The following SEL1L variants were observed in gnomAD, a reference collection of about 807,000 sequenced individuals.
SEL1L encodes SEL1L adaptor subunit of SYVN1 ubiquitin ligase.
SEL1L carries 52 observed loss-of-function variants against 109.8 expected under a neutral mutation model. The ratio of observed to expected loss-of-function variants is 0.47; its 90% CI spans 0.38 to 0.60. The LOEUF is 0.60. SEL1L is among the 20% of genes least tolerant of loss of function. The pLI is 0.00. For synonymous variants in SEL1L, 373 were observed against 339.6 expected (o/e 1.10, Z -1.08); for missense variants, 749 against 962.2 (o/e 0.78, Z 2.93).
chr14:81,529,896 T>G (rs974543086), intron 1 of SEL1L, among the ~76,000 whole-genome samples: 1 of 152,100 alleles, frequency 6.6e-6, no homozygotes, highest in Non-Finnish European at 1.5e-5. Flanking sequence ...TATGCATAAA[T>G]AAAAAGCAAA....
chr14:81,489,294 A>G lies in SEL1L; in HGVS notation c.1353T>C (p.Ser451=), dbSNP rs1410495200. ...AADMGNPVGQ[S]GLGMAYLYGR... is the part of the protein sequence containing the mutation. ...CATAGAGGTAGGCCATTCCAAGCCCACTCTGTCCAACTGGGTTGCCCTGCA... is the reference window on the plus strand; with the variant it reads ...CATAGAGGTAGGCCATTCCAAGCCCGCTCTGTCCAACTGGGTTGCCCTGCA... The change falls in exon 14 of 21, where the codon AGT becomes AGC. Residue 451 remains serine (S), a synonymous_variant. Transcript: ENST00000336735. 6 of 1,614,020 alleles carry G rather than the reference A, an allele frequency of 3.7e-6. No homozygotes were observed. In the Admixed American group the frequency reaches 1.0e-4, roughly 27 times the overall value.
At chr14:81,516,790 C>A (rs11846663) in intron 3 of SEL1L, among the ~76,000 whole-genome samples, 8,957 of 152,224 alleles carry the variant, frequency 0.059, 891 homozygotes, top group African/African-American at 0.21. Flanking sequence ...TGCGTTGTTA[C>A]AATTTGCCGC....
Position 81,476,928 on chromosome 14 carries a change from T to C in SEL1L, c.*44A>G, listed in dbSNP as rs1280380417. On this transcript the variant is annotated 3_prime_UTR_variant, in exon 21 of 21. Transcript: ENST00000336735. ...ATCAAATGCAAGTGTTCCCAGCAGA[T>C]AACTTCCTTCGCTGTCACTGATCAA... 5 of 1,596,884 alleles carry C rather than the reference T, an allele frequency of 3.1e-6. No individual in the cohort carries two copies. The African/African-American group carries it at 6.7e-5, about 21-fold the overall frequency.
rs1903189198 is a variant in SEL1L, at chr14:81,477,193, T to A, written c.2176-12A>T. 1 of 1,604,146 alleles carries A rather than the reference T, an allele frequency of 6.2e-7. No homozygotes were observed. The highest frequency in any genetic ancestry group is 1.7e-4 in the Middle Eastern group (1 of 6,040). ...AACATATCTCGAATCTTAATGAAAA[T>A]AATATAGAAACCATTATTATCACTA... On this transcript the variant is annotated splice_polypyrimidine_tract_variant and intron_variant, in intron 20 of 20. Coordinates refer to ENST00000336735, the MANE Select transcript of SEL1L (RefSeq NM_005065.6).
intron 3 of SEL1L, among the ~76,000 whole-genome samples, chr14:81,510,472 ATCTCTCTCTCTCTCTCTCTC>A (rs374089460): frequency 2.5e-5 from 3 of 118,880 alleles, no homozygotes; most frequent in African/African-American, 9.5e-5. Flanking sequence ...TAGAATGCTG[ATCTCTCTCTCTCTCTCTCTC>A]TCTCTCTCTC....
chr14:81,490,581 T>C (rs1316340033), intron 12 of SEL1L, 116 bp from the exon 13 acceptor site: 8 of 783,018 alleles, frequency 1.0e-5, no homozygotes, highest in African/African-American at 1.7e-5. Context: ...CCAAAAAATT[T>C]AGAATTCCCC....
rs1241448551 is a variant in SEL1L at position 81,474,071 on chromosome 14, G to C, written c.*2901C>G. 1 of 151,766 alleles carries C rather than the reference G, an allele frequency of 6.6e-6. No individual in the cohort carries two copies. The highest frequency in any genetic ancestry group is 2.4e-5 in the African/African-American group (1 of 41,384). 9.4% of individuals were successfully genotyped at this position (151,766 alleles called of 1,614,324 possible). On this transcript the variant is annotated 3_prime_UTR_variant, in exon 21 of 21. Coordinates refer to ENST00000336735, the MANE Select transcript of SEL1L (RefSeq NM_005065.6). ...AAAAATTAACCTAATATGCAAAAAA[G>C]TAACAAATCCTTAGTATCAAGATTA... is the stretch of plus-strand genomic sequence containing the variant.
rs376763779 is a variant in SEL1L at position 81,504,248 on chromosome 14, A to C, written c.567T>G (p.Thr189=). The change falls in exon 5 of 21, where the codon ACT becomes ACG. Residue 189 remains threonine, a synonymous_variant. Transcript: ENST00000336735. The stretch of plus-strand genomic sequence containing the variant: ...TGCTTCCATTAAGGATTTTCATTCC[A>C]GTTTGATACATCATTTCTGCTTCCT... ...QMQEAEMMYQ[T]GMKILNGSNK... 4.6e-5 allele frequency: 73 copies of C among 1,601,172 alleles called. 1 individual carries two copies. In the East Asian group the frequency reaches 4.8e-4, roughly 10 times the overall value.
intron 19 of SEL1L, 129 bp downstream of exon 19, chr14:81,484,096 A>T: frequency 2.2e-6 from 2 of 919,290 alleles, no homozygotes; most frequent in Non-Finnish European, 3.4e-6. Context: ...GAAATATTAC[A>T]AATCAGTCCC....
intron 18 of SEL1L, among the ~76,000 whole-genome samples, chr14:81,485,148 T>A (rs1416530939): frequency 6.6e-6 from 1 of 152,224 alleles, no homozygotes; most frequent in Non-Finnish European, 1.5e-5. Flanking sequence ...GAGTGAATCA[T>A]AGCTTGATGG....
chr14:81,497,750 G>T, intron 10 of SEL1L, 142 bp downstream of exon 10: 1 of 705,252 alleles, frequency 1.4e-6, no homozygotes, highest in Non-Finnish European at 2.2e-6. Context: ...TTTTTAAGGG[G>T]CTCAGGTGAT....
At chr14:81,519,389 C>G (rs1884825611) in intron 3 of SEL1L, among the ~76,000 whole-genome samples, 1 of 152,218 alleles carries the variant, frequency 6.6e-6, no homozygotes, top group African/African-American at 2.4e-5. Flanking sequence ...ACACTTCCTA[C>G]CAAATTACTG....
chr14:81,486,469 G>A lies in SEL1L; in HGVS notation c.1633-15C>T. The A allele has an allele frequency of 1.2e-6, 2 of 1,600,678 alleles. No individual in the cohort carries two copies. The highest frequency in any genetic ancestry group is 1.7e-6 in the Non-Finnish European group (2 of 1,174,008). The stretch of plus-strand genomic sequence containing the variant: ...TTCTTAAACAACTGTGTGAGGTGGG[G>A]AAAAAAAATATCAGTAGAAGAAAAT... On this transcript the variant is annotated splice_polypyrimidine_tract_variant and intron_variant, in intron 16 of 20. Transcript: ENST00000336735.
rs978841718 is a variant in SEL1L at position 81,472,395 on chromosome 14, C to A, written c.*4577G>T. ...AATGCTTCTGAGCTGGAACATTTTA[C>A]CTCAGTTACCTCTTTGAGTTGCCTG... On this transcript the variant is annotated 3_prime_UTR_variant, in exon 21 of 21. Transcript: ENST00000336735. The A allele has an allele frequency of 8.3e-6, 2 of 240,280 alleles. No individual in the cohort carries two copies. Among genetic ancestry groups the A allele is most frequent in the Non-Finnish European group, 1.7e-5 (2 of 120,038 alleles). 14.9% of individuals were successfully genotyped at this position (240,280 alleles called of 1,614,324 possible). A position where few individuals can be genotyped will look rare whatever the true frequency, so the allele number is the denominator to read the frequency against.
At chr14:81,481,626 C>A (rs1272477174) in intron 19 of SEL1L, among the ~76,000 whole-genome samples, 1 of 152,074 alleles carries the variant, frequency 6.6e-6, no homozygotes. Context: ...TATAGTCAAT[C>A]CTCATATTTA....
intron 20 of SEL1L, among the ~76,000 whole-genome samples, chr14:81,477,742 G>A (rs1214100967): frequency 6.6e-6 from 1 of 152,206 alleles, no homozygotes; most frequent in Non-Finnish European, 1.5e-5. Context: ...GAACCCAGGA[G>A]GTGGAGGTTG....
rs750728160 is a variant in SEL1L at position 81,504,296 on chromosome 14, C to T, written c.519G>A (p.Glu173=). 7.9e-5 allele frequency: 126 copies of T among 1,588,160 alleles called. No individual in the cohort carries two copies. The highest frequency in any genetic ancestry group is 1.0e-4 in the Non-Finnish European group (121 of 1,167,816). ...EKWGFCETEE[E]AAKRRQMQEA... ...CCTGCATCTGCCGTCTCTTAGCAGC[C>T]TCTTCTTCAGCTAAAAACAAAACGT... The change falls in exon 5 of 21, where the codon GAG becomes GAA. Residue 173 remains glutamate, a synonymous_variant. Transcript: ENST00000336735.
rs753774913 is a variant in SEL1L, at chr14:81,508,938, T to A, written c.341-2697A>T. Among the ~76,000 whole-genome samples, 4 of 152,226 alleles carry A rather than the reference T, an allele frequency of 2.6e-5. No homozygotes were observed. The East Asian group carries it at 7.7e-4, about 29-fold the overall frequency. The stretch of plus-strand genomic sequence containing the variant: ...AAGAAACTGGAGAGAGTAAAAAAAA[T>A]TTGACAACAAAAGGTTTTCATCTAC... On this transcript the variant is annotated intron_variant, in intron 3 of 20. Coordinates refer to ENST00000336735, the MANE Select transcript of SEL1L (RefSeq NM_005065.6).
chr14:81,509,979 C>A (rs554816678), intron 3 of SEL1L, among the ~76,000 whole-genome samples: 1 of 152,274 alleles, frequency 6.6e-6, no homozygotes, highest in Admixed American at 6.5e-5. Context: ...AAACGAAAAC[C>A]GGGGCATCGT....
Sources: gnomAD v4.1 joint callset for allele counts (sites outside exome capture counted in the v4.1 genomes callset) on GRCh38, gnomAD v4.1.1 for gene constraint, MANE v1.5 for transcripts, NCBI Gene and HGNC (gene_info 2026-07-23, HGNC 2026-07-21) for gene names.